UQCC6: variants seen among roughly 807,000 people sequenced by gnomAD.
UQCC6 encodes the protein ubiquinol-cytochrome c reductase complex assembly factor 6, also known as protein BRAWNIN.
the UQCC6 span, among the ~76,000 whole-genome samples, chr12:103,964,746 C>T: frequency 1.7e-4 from 26 of 152,132 alleles, no homozygotes; most frequent in African/African-American, 6.3e-4. Context: ...AGAGGATGGG[C>T]TTTTTTCATT....
the UQCC6 span, chr12:103,950,945 C>T: frequency 0.088 from 13,396 of 152,202 alleles, 780 homozygotes; most frequent in East Asian, 0.31. Flanking sequence ...CACTGGGTGA[C>T]GACGGTCTGT....
chr12:103,955,929 T>A, the UQCC6 span, among the ~76,000 whole-genome samples: 1 of 152,208 alleles, frequency 6.6e-6, no homozygotes, highest in Non-Finnish European at 1.5e-5. Context: ...ATGCCTATAG[T>A]CACTCATCCT....
At chr12:103,959,365 G>T in the UQCC6 span, among the ~76,000 whole-genome samples, 2 of 152,088 alleles carry the variant, frequency 1.3e-5, no homozygotes, top group Non-Finnish European at 2.9e-5. Context: ...TTTTTATTAG[G>T]TACATCTCTA....
chr12:103,961,511 A>G, the UQCC6 span, among the ~76,000 whole-genome samples: 1 of 149,938 alleles, frequency 6.7e-6, no homozygotes, highest in Non-Finnish European at 1.5e-5. Flanking sequence ...TGCCTGCTAC[A>G]TTTTTTATCT....
the UQCC6 span, chr12:103,951,311 A>C: frequency 2.4e-6 from 1 of 414,926 alleles, no homozygotes. Context: ...TCCAAACCAT[A>C]TTCATGAAAT....
chr12:103,955,239 C>A, the UQCC6 span, among the ~76,000 whole-genome samples: 1 of 152,138 alleles, frequency 6.6e-6, no homozygotes, highest in Non-Finnish European at 1.5e-5. Flanking sequence ...TTTGCTTGAA[C>A]CCGGAAGGCA....
At chr12:103,962,429 C>T in the UQCC6 span, among the ~76,000 whole-genome samples, 1 of 151,984 alleles carries the variant, frequency 6.6e-6, no homozygotes. Flanking sequence ...ACATTTAAGT[C>T]CATGATCCAT....
the UQCC6 span, among the ~76,000 whole-genome samples, chr12:103,963,777 T>C: frequency 6.6e-6 from 1 of 152,238 alleles, no homozygotes; most frequent in African/African-American, 2.4e-5. Context: ...TCTTCCTATA[T>C]TGATATTTTA....
chr12:103,956,598 TC>T, the UQCC6 span: 1 of 1,408,696 alleles, frequency 7.1e-7, no homozygotes, highest in South Asian at 1.2e-5. Flanking sequence ...TATATTTAGC[TC>T]AAAAATAAAA....
At chr12:103,953,398 G>C in the UQCC6 span, 3 of 702,188 alleles carry the variant, frequency 4.3e-6, no homozygotes. Context: ...GAGCTGAGCT[G>C]GACAACTAAA....
At chr12:103,958,228 AAGTT>A in the UQCC6 span, among the ~76,000 whole-genome samples, 1 of 151,242 alleles carries the variant, frequency 6.6e-6, no homozygotes, top group Non-Finnish European at 1.5e-5. Flanking sequence ...AAAAAAAAAA[AAGTT>A]AGTGCAAGGC....
At chr12:103,953,911 G>A in the UQCC6 span, among the ~76,000 whole-genome samples, 1 of 152,204 alleles carries the variant, frequency 6.6e-6, no homozygotes, top group Admixed American at 6.5e-5. Context: ...GTCTATTCCT[G>A]CACAAGCTAT....
chr12:103,957,918 A>T, the UQCC6 span, among the ~76,000 whole-genome samples: 30 of 138,576 alleles, frequency 2.2e-4, 1 homozygote, highest in African/African-American at 7.4e-4. Flanking sequence ...ATATATTTTT[A>T]AATATATATT....
chr12:103,961,249 A>G, the UQCC6 span, among the ~76,000 whole-genome samples: 1 of 152,096 alleles, frequency 6.6e-6, no homozygotes, highest in Non-Finnish European at 1.5e-5. Flanking sequence ...TTATAGCTGT[A>G]CAATGTGTGT....
At chr12:103,953,371 T>A in the UQCC6 span, 1 of 702,052 alleles carries the variant, frequency 1.4e-6, no homozygotes. Flanking sequence ...CAGAGTCATC[T>A]CCTTTGCTAT....
the UQCC6 span, among the ~76,000 whole-genome samples, chr12:103,963,751 C>A: frequency 6.6e-6 from 1 of 152,118 alleles, no homozygotes; most frequent in Non-Finnish European, 1.5e-5. Context: ...GTTGTTAGTA[C>A]ATAAATTACA....
At chr12:103,963,832 T>C in the UQCC6 span, among the ~76,000 whole-genome samples, 1 of 152,222 alleles carries the variant, frequency 6.6e-6, no homozygotes, top group Non-Finnish European at 1.5e-5. Context: ...ACTAGGTTTT[T>C]TGTAGGTTCC....
the UQCC6 span, among the ~76,000 whole-genome samples, chr12:103,962,343 A>C: frequency 6.6e-6 from 1 of 152,172 alleles, no homozygotes; most frequent in Non-Finnish European, 1.5e-5. Flanking sequence ...TTTGTATTAT[A>C]TTTAAAAAAT....
the UQCC6 span, among the ~76,000 whole-genome samples, chr12:103,959,801 C>CT: frequency 9.7e-3 from 1,009 of 103,522 alleles, 28 homozygotes; most frequent in African/African-American, 0.032. Flanking sequence ...TTTATTTTTA[C>CT]TTTTTTTTTT....
Sources: allele counts gnomAD v4.1 joint callset (sites outside exome capture counted in the v4.1 genomes callset), GRCh38; gene constraint gnomAD v4.1.1; transcripts MANE v1.5; gene names NCBI Gene and HGNC (gene_info 2026-07-23, HGNC 2026-07-21).